DOCK1: variants seen among roughly 807,000 people sequenced by gnomAD.
The protein encoded by DOCK1 is dedicator of cytokinesis 1, also known as dedicator of cytokinesis protein 1.
Under a neutral mutation model 262.7 loss-of-function variants are expected in DOCK1, and 138 were observed. The ratio of observed to expected loss-of-function variants is 0.53; its 90% CI spans 0.46 to 0.61. DOCK1 has a LOEUF of 0.61. Among genes scored for constraint, DOCK1 ranks in the 20% least tolerant of loss-of-function variants. DOCK1 has a pLI of 0.00. For missense variants in DOCK1, 1,908 were observed against 2,370.7 expected, an observed-to-expected ratio of 0.80 and a Z score of 4.05; for synonymous variants, 866 against 867.4, an observed-to-expected ratio of 1.00 and a Z score of 0.03.
chr10:127,109,866 G>A lies in DOCK1; in HGVS notation c.2517-382G>A, dbSNP rs73378441. Among the ~76,000 whole-genome samples, 1,441 of 151,930 alleles carry A rather than the reference G, an allele frequency of 9.5e-3. 22 individuals are homozygous for A. The highest frequency in any genetic ancestry group is 0.032 in the African/African-American group (1,343 of 41,438). On this transcript the variant is annotated intron_variant, in intron 24 of 51. Transcript: ENST00000623213. Reference sequence around the variant, plus strand: ...TGGATATATGTTTTCATTTTTTCTCGGGGAGGTGGTATATGCCTGGAAGTG... The same window carrying A: ...TGGATATATGTTTTCATTTTTTCTCAGGGAGGTGGTATATGCCTGGAAGTG...
At chr10:127,299,807 T>A (rs2061622659) in intron 29 of DOCK1, among the ~76,000 whole-genome samples, 1 of 152,214 alleles carries the variant, frequency 6.6e-6, no homozygotes, top group African/African-American at 2.4e-5. Context: ...AGCGAGAGGC[T>A]TAGGACTTGG....
intron 33 of DOCK1, among the ~76,000 whole-genome samples, chr10:127,370,723 C>T (rs1434684731): frequency 6.6e-6 from 1 of 152,146 alleles, no homozygotes; most frequent in Non-Finnish European, 1.5e-5. Context: ...ACGTCAATAT[C>T]GCTTCGAGCA....
At chr10:126,990,752 A>T in intron 6 of DOCK1, 149 bp downstream of exon 6, 1 of 1,101,994 alleles carries the variant, frequency 9.1e-7, no homozygotes, top group South Asian at 1.7e-5. Context: ...GAAAAGGATG[A>T]GGTATTTTCC....
rs771265028 is a variant in DOCK1 at position 127,433,275 on chromosome 10, G to T, written c.4915-8G>T. The T allele has an allele frequency of 1.2e-5, 19 of 1,613,208 alleles. No individual in the cohort carries two copies. The highest frequency in any genetic ancestry group is 1.7e-5 in the Admixed American group (1 of 59,950). ...ACAAGTCTCCTTCTCTCTCTTTCTC[G>T]CTCTCAGCCCTCAAGTCTGGATGAT... On this transcript the variant is annotated splice_polypyrimidine_tract_variant and splice_region_variant and intron_variant, in intron 47 of 51. Coordinates refer to ENST00000623213, the MANE Select transcript of DOCK1 (RefSeq NM_001290223.2).
chr10:127,309,878 C>CTTTTT (rs1213688949), intron 29 of DOCK1, among the ~76,000 whole-genome samples: 1 of 141,410 alleles, frequency 7.1e-6, no homozygotes, highest in African/African-American at 2.6e-5. Context: ...ATACCATGTT[C>CTTTTT]TTTTTTTTTT....
intron 51 of DOCK1, 41 bp from the exon 52 acceptor site, chr10:127,451,291 C>T (rs1591117544): frequency 6.4e-7 from 1 of 1,556,552 alleles, no homozygotes; most frequent in Non-Finnish European, 8.7e-7. Context: ...TCTGTCAGGA[C>T]ATCAGTTATG....
chr10:127,069,792 C>T (rs1287569632), intron 23 of DOCK1, among the ~76,000 whole-genome samples: 2 of 152,156 alleles, frequency 1.3e-5, no homozygotes, highest in Non-Finnish European at 2.9e-5. Context: ...CTGGAGAGTT[C>T]TCCTGCAACA....
intron 31 of DOCK1, 45 bp from the exon 32 acceptor site, chr10:127,354,624 T>G (rs1222027069): frequency 8.1e-6 from 13 of 1,609,842 alleles, no homozygotes; most frequent in Admixed American, 3.4e-5. Flanking sequence ...GATTTTCAAA[T>G]GCCTTCCGGA....
At chr10:127,115,127 A>AT (rs1056440678) in intron 25 of DOCK1, among the ~76,000 whole-genome samples, 2 of 151,972 alleles carry the variant, frequency 1.3e-5, no homozygotes, top group African/African-American at 2.4e-5. Context: ...ACAGCATTCC[A>AT]TTTTTTGTCA....
intron 25 of DOCK1, among the ~76,000 whole-genome samples, chr10:127,122,366 C>G (rs1292650095): frequency 6.6e-6 from 1 of 152,098 alleles, no homozygotes; most frequent in Non-Finnish European, 1.5e-5. Context: ...AGCCTCGTTG[C>G]CAGCCTGGTC....
chr10:126,953,944 TA>T lies in DOCK1; in HGVS notation c.47-16754del, dbSNP rs1222087315. 9.8e-5 allele frequency among the ~76,000 whole-genome samples: 15 copies of T among 152,302 alleles called. No homozygotes were observed. In the East Asian group the frequency reaches 2.3e-3, roughly 24 times the overall value. Reference sequence around the variant, plus strand: ...TTCAGTAGTTTGCTCGGTACATTTTTAAAACTTCCGAGTGGTCCTGTGTGTT... The same window carrying T: ...TTCAGTAGTTTGCTCGGTACATTTTTAAACTTCCGAGTGGTCCTGTGTGTT... On this transcript the variant is annotated intron_variant, in intron 1 of 51. Coordinates refer to ENST00000623213, the MANE Select transcript of DOCK1 (RefSeq NM_001290223.2).
chr10:127,258,513 G>A (rs1433000490), intron 29 of DOCK1, among the ~76,000 whole-genome samples: 4 of 152,160 alleles, frequency 2.6e-5, no homozygotes, highest in South Asian at 4.1e-4. Flanking sequence ...CCCATGGTAC[G>A]CCTGGACCAA....
chr10:126,997,509 T>C (rs2040293301), intron 7 of DOCK1, among the ~76,000 whole-genome samples: 1 of 151,656 alleles, frequency 6.6e-6, no homozygotes, highest in Non-Finnish European at 1.5e-5. Flanking sequence ...GGGGGGGTGC[T>C]ACACGCTACA....
intron 27 of DOCK1, among the ~76,000 whole-genome samples, chr10:127,140,929 T>C (rs957022601): frequency 1.3e-5 from 2 of 152,158 alleles, no homozygotes; most frequent in Admixed American, 6.5e-5. Flanking sequence ...AGATAGTGCC[T>C]GGGGGCCTGC....
rs566526006 is a variant in DOCK1 at position 127,065,180 on chromosome 10, T to C, written c.2445+3404T>C. Among the ~76,000 whole-genome samples, 4 of 152,126 alleles carry C rather than the reference T, an allele frequency of 2.6e-5. No homozygotes were observed. In the South Asian group the frequency reaches 8.3e-4, roughly 32 times the overall value. ...CCTGCCACCATGCCCGGCTAATTTT[T>C]TTGAATTTTTAGTAGAGACGGGGTT... On this transcript the variant is annotated intron_variant, in intron 23 of 51. Coordinates refer to ENST00000623213, the MANE Select transcript of DOCK1 (RefSeq NM_001290223.2).
chr10:126,996,688 C>A, intron 6 of DOCK1, 60 bp from the exon 7 acceptor site: 4 of 1,489,456 alleles, frequency 2.7e-6, no homozygotes, highest in Non-Finnish European at 3.6e-6. Flanking sequence ...GGAAGTTGTG[C>A]TAGAAAATTC....
At position 127,018,822 on chromosome 10, in the gene DOCK1, G is replaced by A. The variant is rs754962139; in HGVS notation, c.1314G>A (p.Glu438=). 12 of 1,613,820 alleles carry A rather than the reference G, an allele frequency of 7.4e-6. No individual in the cohort carries two copies. The highest frequency in any genetic ancestry group is 9.3e-6 in the Non-Finnish European group (11 of 1,179,878). ...TGGCTCGAAAAACAGGGTTTCCGGAGATAATCATGCCTGGTAAGAACTGGC... is the reference window on the plus strand; with the variant it reads ...TGGCTCGAAAAACAGGGTTTCCGGAAATAATCATGCCTGGTAAGAACTGGC... ...TAVARKTGFP[E]IIMPGDVRND... is the part of the protein sequence containing the mutation. Residue 438 remains glutamate (E), a synonymous_variant, in exon 13 of 52, where the codon GAG becomes GAA. Transcript: ENST00000623213.
intron 42 of DOCK1, 119 bp from the exon 43 acceptor site, chr10:127,410,721 T>C (rs906448226): frequency 2.3e-5 from 20 of 851,772 alleles, no homozygotes; most frequent in Non-Finnish European, 3.2e-5. Context: ...TGGCTTCAGG[T>C]CAAGGTTAGG....
chr10:127,101,014 T>G (rs762012828), intron 23 of DOCK1, among the ~76,000 whole-genome samples: 2 of 151,844 alleles, frequency 1.3e-5, no homozygotes, highest in Admixed American at 6.6e-5. Context: ...CTGAAGGCTC[T>G]GAGGAGAGAG....
Sources: gnomAD v4.1 joint callset for allele counts (sites outside exome capture counted in the v4.1 genomes callset) on GRCh38, gnomAD v4.1.1 for gene constraint, MANE v1.5 for transcripts, NCBI Gene and HGNC (gene_info 2026-07-23, HGNC 2026-07-21) for gene names.